MBD5: variants seen among roughly 807,000 people sequenced by gnomAD.
MBD5 encodes methyl-CpG-binding domain protein 5.
In MBD5, 13 loss-of-function variants were observed where a neutral mutation model predicts 117.3. The observed-to-expected ratio is 0.11, with a 90% CI of 0.07 to 0.18. The LOEUF (loss-of-function observed/expected upper bound fraction) is 0.18. MBD5 is among the 10% of genes least tolerant of loss of function. The probability of loss-of-function intolerance (pLI) is 1.00; values close to 1 mark genes in which losing one functional copy is unlikely to be tolerated. For synonymous variants in MBD5, 727 were observed against 766.4 expected, an observed-to-expected ratio of 0.95 and a Z score of 0.85; for missense variants, 1,879 against 2,093.8, an observed-to-expected ratio of 0.90 and a Z score of 2.00.
chr2:148,305,598 G>A (rs1042671837), intron 3 of MBD5, among the ~76,000 whole-genome samples: 5 of 152,190 alleles, frequency 3.3e-5, no homozygotes, highest in Admixed American at 3.3e-4. Flanking sequence ...GACATCGGGT[G>A]AACTTTCTGA....
At chr2:148,087,009 A>T (rs189387169) in intron 1 of MBD5, among the ~76,000 whole-genome samples, 61 of 152,310 alleles carry the variant, frequency 4.0e-4, no homozygotes, top group African/African-American at 1.4e-3. Context: ...TATTAAAAAA[A>T]ACTGAGGCTA....
intron 3 of MBD5, among the ~76,000 whole-genome samples, chr2:148,312,573 G>A (rs1033415279): frequency 1.3e-5 from 2 of 152,056 alleles, no homozygotes; most frequent in Non-Finnish European, 2.9e-5. Context: ...AAGGTCCTTA[G>A]CTTCCTTGCA....
intron 1 of MBD5, among the ~76,000 whole-genome samples, chr2:148,134,943 G>T (rs1008622679): frequency 1.3e-5 from 2 of 152,104 alleles, no homozygotes; most frequent in African/African-American, 4.8e-5. Context: ...TATAGGGGTG[G>T]TTTTATCTCT....
intron 4 of MBD5, among the ~76,000 whole-genome samples, chr2:148,394,336 G>A (rs1200143502): frequency 6.6e-6 from 1 of 152,062 alleles, no homozygotes; most frequent in East Asian, 1.9e-4. Flanking sequence ...TTCCTGAGAT[G>A]GGTGGTCTTT....
At chr2:148,210,573 G>A (rs1277296584) in intron 2 of MBD5, among the ~76,000 whole-genome samples, 1 of 151,654 alleles carries the variant, frequency 6.6e-6, no homozygotes. Flanking sequence ...CCACATATTA[G>A]GGTAAATATT....
intron 4 of MBD5, among the ~76,000 whole-genome samples, chr2:148,364,279 CAGACAAGCAAATGCTGAG>C (rs1312414011): frequency 2.6e-5 from 4 of 152,188 alleles, no homozygotes; most frequent in African/African-American, 9.6e-5. Flanking sequence ...AAATCCTTTA[CAGACAAGCAAATGCTGAG>C]AGATTTTGTC....
At chr2:148,450,588 G>C (rs1706698153) in intron 4 of MBD5, among the ~76,000 whole-genome samples, 1 of 152,162 alleles carries the variant, frequency 6.6e-6, no homozygotes, top group African/African-American at 2.4e-5. Context: ...CCTCGATGGT[G>C]CTAGCTCAGA....
rs544464034 is a variant in MBD5 at position 148,243,155 on chromosome 2, A to G, written c.-680+9760A>G. 5.9e-5 allele frequency among the ~76,000 whole-genome samples: 9 copies of G among 152,086 alleles called. No homozygotes were observed. In the South Asian group the frequency reaches 8.3e-4, roughly 14 times the overall value. On this transcript the variant is annotated intron_variant, in intron 3 of 13. Transcript: ENST00000642680. ...CAAAAAAAAAAAACTGCTCAGTAAC[A>G]TCTGAGATTAAAATCTGTCCTTTCA...
At chr2:148,063,954 C>T (rs1402901136) in intron 1 of MBD5, among the ~76,000 whole-genome samples, 1 of 151,952 alleles carries the variant, frequency 6.6e-6, no homozygotes, top group East Asian at 1.9e-4. Context: ...CATTGCCACC[C>T]TGTTTGCTCA....
At chr2:148,238,834 T>C (rs1365992724) in intron 3 of MBD5, among the ~76,000 whole-genome samples, 2 of 152,124 alleles carry the variant, frequency 1.3e-5, no homozygotes, top group African/African-American at 4.8e-5. Context: ...TCTCTTCTGC[T>C]CTTCTTATAA....
intron 4 of MBD5, among the ~76,000 whole-genome samples, chr2:148,442,044 T>C (rs112464017): frequency 0.26 from 38,894 of 151,356 alleles, 6,015 homozygotes; most frequent in African/African-American, 0.43. Flanking sequence ...AATTTTCTCC[T>C]ATTCTGTAGG....
chr2:148,344,078 C>T (rs1703020543), intron 4 of MBD5, among the ~76,000 whole-genome samples: 1 of 152,050 alleles, frequency 6.6e-6, no homozygotes, highest in African/African-American at 2.4e-5. Context: ...GGAGTCCTTT[C>T]CCCATTGCTT....
chr2:148,076,860 GT>G (rs1378214570), intron 1 of MBD5, among the ~76,000 whole-genome samples: 1 of 152,224 alleles, frequency 6.6e-6, no homozygotes, highest in Non-Finnish European at 1.5e-5. Context: ...AGTTCTCATA[GT>G]CTAGTAGAGG....
intron 3 of MBD5, among the ~76,000 whole-genome samples, chr2:148,239,019 TAC>T (rs10692364): frequency 4.0e-5 from 6 of 149,866 alleles, no homozygotes; most frequent in South Asian, 2.1e-4. Context: ...ATATATTATA[TAC>T]ACACACACAC....
intron 4 of MBD5, among the ~76,000 whole-genome samples, chr2:148,400,232 T>A (rs1036901253): frequency 6.6e-6 from 1 of 151,738 alleles, no homozygotes; most frequent in Non-Finnish European, 1.5e-5. Context: ...TTTTTTTAAA[T>A]TTTTTTTTCA....
At chr2:148,357,102 A>T (rs6709801) in intron 4 of MBD5, among the ~76,000 whole-genome samples, 34,699 of 152,108 alleles carry the variant, frequency 0.23, 4,882 homozygotes, top group African/African-American at 0.39. Context: ...TAGTGAGTGT[A>T]TGCATCCACA....
chr2:148,392,086 A>G (rs754914339), intron 4 of MBD5, among the ~76,000 whole-genome samples: 17 of 152,270 alleles, frequency 1.1e-4, no homozygotes, highest in Non-Finnish European at 1.5e-4. Flanking sequence ...TTCTGAATAT[A>G]ACAGTGATAC....
chr2:148,483,961 T>A lies in MBD5; in HGVS notation c.3370T>A (p.Ser1124Thr). The part of the protein sequence containing the change: ...QATTTTTTTS[S>T]AVAALTVSTL... ...AACCACTACCACAACCACTACATCA[T>A]CAGCAGTGGCAGCACTGACTGTCTC... The change falls in exon 9 of 14, where the codon TCA becomes ACA. Residue 1124 changes from serine (S) to threonine (T), a missense_variant. Physicochemically the swap from Ser to Thr is moderately conservative, Grantham distance 58 (BLOSUM62 1). Coordinates refer to ENST00000642680, the MANE Select transcript of MBD5 (RefSeq NM_001378120.1). The A allele has an allele frequency of 6.4e-7, 1 of 1,550,456 alleles. No homozygotes were observed. The highest frequency in any genetic ancestry group is 8.7e-7 in the Non-Finnish European group (1 of 1,146,922).
At chr2:148,174,173 T>C (rs1288576848) in intron 1 of MBD5, among the ~76,000 whole-genome samples, 1 of 152,224 alleles carries the variant, frequency 6.6e-6, no homozygotes, top group Non-Finnish European at 1.5e-5. Flanking sequence ...AATTGATTTA[T>C]GACAAAGATG....
Sources: allele counts gnomAD v4.1 joint callset (sites outside exome capture counted in the v4.1 genomes callset), GRCh38; gene constraint gnomAD v4.1.1; transcripts MANE v1.5; gene names NCBI Gene and HGNC (gene_info 2026-07-23, HGNC 2026-07-21).